Variants in TRDN observed in about 807,000 individuals in gnomAD.
The protein encoded by TRDN is triadin in skeletal muscle.
In TRDN, 161 loss-of-function variants were observed where a neutral mutation model predicts 149.7. That is an observed-to-expected ratio of 1.08 (90% CI 0.95 to 1.23). The LOEUF is 1.23. Ranked by LOEUF, TRDN falls within the 50% of genes most tolerant of loss-of-function variation. TRDN has a pLI of 0.00. For missense variants in TRDN, 896 were observed against 823.5 expected, an observed-to-expected ratio of 1.09 and a Z score of -1.08; for synonymous variants, 294 against 250.5, an observed-to-expected ratio of 1.17 and a Z score of -1.64.
chr6:123,533,145 G>A (rs1221434509), intron 4 of TRDN, among the ~76,000 whole-genome samples: 2 of 152,086 alleles, frequency 1.3e-5, no homozygotes, highest in Non-Finnish European at 2.9e-5. Context: ...TTGGAATATA[G>A]AGATGGCATG....
At chr6:123,297,841 A>G (rs2114663101) in intron 24 of TRDN, among the ~76,000 whole-genome samples, 1 of 152,168 alleles carries the variant, frequency 6.6e-6, no homozygotes, top group Admixed American at 6.6e-5. Flanking sequence ...AACAAAGTGG[A>G]TATACCTCAG....
intron 8 of TRDN, chr6:123,503,253 T>A: frequency 1.0e-6 from 1 of 985,272 alleles, no homozygotes; most frequent in Non-Finnish European, 1.2e-6. Flanking sequence ...GATGTGCTCT[T>A]GCCAATGCAA....
chr6:123,360,667 A>T (rs1780861566), intron 20 of TRDN, among the ~76,000 whole-genome samples: 3 of 151,410 alleles, frequency 2.0e-5, no homozygotes. Flanking sequence ...GCTGGCTGAC[A>T]TGGGAAGGAG....
intron 1 of TRDN, among the ~76,000 whole-genome samples, chr6:123,606,227 G>T (rs1330191826): frequency 6.8e-6 from 1 of 147,878 alleles, no homozygotes; most frequent in East Asian, 2.2e-4. Flanking sequence ...ACATAATCAA[G>T]TATCACTCAT....
At chr6:123,255,235 C>T in intron 36 of TRDN, 110 bp from the exon 37 acceptor site, 1 of 473,748 alleles carries the variant, frequency 2.1e-6, no homozygotes, top group Middle Eastern at 6.4e-4. Flanking sequence ...TAAATATTTT[C>T]TCAAGTTGGT....
At position 123,636,244 on chromosome 6, in the gene TRDN, G is replaced by A. The variant is rs190778048; in HGVS notation, c.22+510C>T. 2.6e-5 allele frequency among the ~76,000 whole-genome samples: 4 copies of A among 151,936 alleles called. No individual in the cohort carries two copies. The East Asian group carries it at 7.8e-4, about 29-fold the overall frequency. On this transcript the variant is annotated intron_variant, in intron 1 of 40. Transcript: ENST00000334268. ...ATATAAATCATATATATGTATGTGT[G>A]TTTTACATACCCTAGTAGGAAAGGA... is the stretch of plus-strand genomic sequence containing the variant.
chr6:123,331,126 A>T (rs1779645128), intron 23 of TRDN, among the ~76,000 whole-genome samples: 1 of 152,080 alleles, frequency 6.6e-6, no homozygotes, highest in African/African-American at 2.4e-5. Context: ...ATATTAGACA[A>T]CTCTGAGCAC....
intron 8 of TRDN, among the ~76,000 whole-genome samples, chr6:123,499,935 C>A (rs4897257): frequency 0.83 from 124,955 of 150,470 alleles, 52,093 homozygotes; most frequent in East Asian, 0.88. Flanking sequence ...ATATTAGTCC[C>A]TTTTATATAA....
intron 12 of TRDN, chr6:123,429,306 T>C (rs1583008539): frequency 6.6e-6 from 1 of 152,208 alleles, no homozygotes; most frequent in Non-Finnish European, 1.5e-5. Context: ...AGAGTTGTTA[T>C]GATTAAATGA....
At chr6:123,291,778 T>C (rs1778021883) in intron 24 of TRDN, among the ~76,000 whole-genome samples, 2 of 152,220 alleles carry the variant, frequency 1.3e-5, no homozygotes, top group Middle Eastern at 3.2e-3. Flanking sequence ...GGTATTAATT[T>C]GCTAAATTAC....
At chr6:123,607,023 A>C (rs1784557223) in intron 1 of TRDN, among the ~76,000 whole-genome samples, 1 of 152,188 alleles carries the variant, frequency 6.6e-6, no homozygotes, top group Admixed American at 6.6e-5. Flanking sequence ...GCCTCCACTG[A>C]AAGAATCTTG....
chr6:123,464,380 G>T, intron 10 of TRDN: 1 of 965,968 alleles, frequency 1.0e-6, no homozygotes, highest in Non-Finnish European at 1.2e-6. Context: ...CAGTATTTGT[G>T]TGTGTGTGAG....
intron 10 of TRDN, among the ~76,000 whole-genome samples, chr6:123,463,371 AT>A (rs1776591197): frequency 1.3e-5 from 2 of 150,988 alleles, no homozygotes. Flanking sequence ...AAATAAATAA[AT>A]AAATAAATAA....
At chr6:123,387,123 T>G (rs899829331) in intron 14 of TRDN, among the ~76,000 whole-genome samples, 1 of 152,210 alleles carries the variant, frequency 6.6e-6, no homozygotes, top group Non-Finnish European at 1.5e-5. Context: ...GAATGAAATC[T>G]GTTGACTATT....
Position 123,272,968 on chromosome 6 carries a change from T to C in TRDN, c.1668A>G (p.Lys556=), listed in dbSNP as rs1777253683. The C allele has an allele frequency of 3.3e-6, 5 of 1,530,254 alleles. No individual in the cohort carries two copies. The South Asian group carries it at 3.8e-5, about 11-fold the overall frequency. The allele number at this position is 1,530,254 out of a possible 1,614,324, so 94.8% of individuals were successfully genotyped here. A position where few individuals can be genotyped will look rare whatever the true frequency, so the allele number is the denominator to read the frequency against. ...CAAATACCACCTGCAAAATACCTGG[T>C]TTACCATGAGAAACAGTCTTTTCTG... ...VKPEKTVSHG[K]PEEKVLKQVK... Residue 556 remains lysine, a synonymous_variant, in exon 29 of 41, where the codon AAA becomes AAG. Transcript: ENST00000334268.
intron 1 of TRDN, among the ~76,000 whole-genome samples, chr6:123,619,929 T>C (rs1265160697): frequency 6.6e-6 from 1 of 152,150 alleles, no homozygotes; most frequent in Non-Finnish European, 1.5e-5. Flanking sequence ...AGTTTCAGTG[T>C]GCACATGTTG....
At chr6:123,377,292 G>T (rs965919157) in intron 18 of TRDN, among the ~76,000 whole-genome samples, 2 of 152,124 alleles carry the variant, frequency 1.3e-5, no homozygotes, top group Non-Finnish European at 1.5e-5. Flanking sequence ...TAAAAACAAA[G>T]CGATGTATAA....
intron 38 of TRDN, among the ~76,000 whole-genome samples, chr6:123,251,073 T>C (rs929015943): frequency 3.9e-5 from 6 of 152,138 alleles, no homozygotes; most frequent in African/African-American, 1.4e-4. Flanking sequence ...TGTAGGGGAA[T>C]GGTGTGGAAT....
At chr6:123,620,821 GT>G (rs1785344614) in intron 1 of TRDN, among the ~76,000 whole-genome samples, 1 of 152,120 alleles carries the variant, frequency 6.6e-6, no homozygotes, top group Admixed American at 6.6e-5. Flanking sequence ...TTGCCTGAAT[GT>G]TAACAATAGC....
Sources: gnomAD v4.1 joint callset for allele counts (sites outside exome capture counted in the v4.1 genomes callset) on GRCh38, gnomAD v4.1.1 for gene constraint, MANE v1.5 for transcripts, NCBI Gene and HGNC (gene_info 2026-07-23, HGNC 2026-07-21) for gene names.